MAPT: variants seen among roughly 807,000 people sequenced by gnomAD.
MAPT encodes the protein microtubule-associated protein tau.
A neutral mutation model predicts 67.9 loss-of-function variants in MAPT; 34 were observed. The ratio of observed to expected loss-of-function variants is 0.50; its 90% confidence interval spans 0.38 to 0.67. The LOEUF is 0.67. Among genes scored for constraint, MAPT ranks in the 30% least tolerant of loss-of-function variants. The probability of loss-of-function intolerance (pLI) is 0.00; values close to 1 mark genes in which losing one functional copy is unlikely to be tolerated. For synonymous variants in MAPT, 456 were observed against 464.5 expected (o/e 0.98, Z 0.23); for missense variants, 881 against 1,115.2 (o/e 0.79, Z 2.99).
intron 9 of MAPT, among the ~76,000 whole-genome samples, chr17:46,002,332 G>A (rs1334777480): frequency 6.6e-6 from 1 of 152,190 alleles, no homozygotes; most frequent in African/African-American, 2.4e-5. Flanking sequence ...TTCTTGGGGG[G>A]TCGCTGGGAA....
chr17:45,998,712 T>C (rs998663435), intron 9 of MAPT, among the ~76,000 whole-genome samples: 5 of 152,186 alleles, frequency 3.3e-5, no homozygotes, highest in African/African-American at 1.2e-4. Flanking sequence ...GCCTCTGTCC[T>C]GTACCGCAGC....
At chr17:45,922,486 AACACACACACACAC>A (rs59017604) in intron 1 of MAPT, among the ~76,000 whole-genome samples, 21,662 of 146,658 alleles carry the variant, frequency 0.15, 2,102 homozygotes, top group Middle Eastern at 0.22. Flanking sequence ...CTAGCTAGAG[AACACACACACACAC>A]ACACACACAC....
chr17:45,950,657 T>G lies in MAPT; in HGVS notation c.-17-11664T>G, dbSNP rs1445736687. Among the ~76,000 whole-genome samples the G allele has an allele frequency of 2.6e-5, 4 of 152,038 alleles. No homozygotes were observed. The East Asian group carries it at 7.7e-4, about 29-fold the overall frequency. On this transcript the variant is annotated intron_variant, in intron 1 of 12. Coordinates refer to ENST00000262410, the MANE Select transcript of MAPT (RefSeq NM_001377265.1). ...GTTCCCATACTTTTAATTTTTAAAA[T>G]TTTATTTATTTATTTATTTATGTAT...
At chr17:45,944,429 T>C (rs2068274272) in intron 1 of MAPT, among the ~76,000 whole-genome samples, 1 of 152,104 alleles carries the variant, frequency 6.6e-6, no homozygotes, top group Non-Finnish European at 1.5e-5. Context: ...CTGGATATGG[T>C]GCATTCCAGG....
chr17:46,007,549 GA>G (rs1568322960), intron 9 of MAPT, among the ~76,000 whole-genome samples: 1 of 151,964 alleles, frequency 6.6e-6, no homozygotes, highest in African/African-American at 2.4e-5. Flanking sequence ...GTGCATGTTA[GA>G]AAAAATACAC....
chr17:45,956,479 C>T (rs1292700972), intron 1 of MAPT, among the ~76,000 whole-genome samples: 1 of 151,122 alleles, frequency 6.6e-6, no homozygotes, highest in Non-Finnish European at 1.5e-5. Flanking sequence ...GACCACTGAC[C>T]TCAAACATAG....
chr17:45,931,606 G>A (rs1039825185), intron 1 of MAPT, among the ~76,000 whole-genome samples: 3 of 151,908 alleles, frequency 2.0e-5, no homozygotes, highest in South Asian at 2.1e-4. Flanking sequence ...ATTGATGTAC[G>A]GCTTTATTTT....
intron 1 of MAPT, among the ~76,000 whole-genome samples, chr17:45,901,390 C>T (rs1322172422): frequency 1.3e-5 from 2 of 152,016 alleles, no homozygotes; most frequent in South Asian, 2.1e-4. Context: ...TCAGGGAAGG[C>T]GAAGGAGGTA....
At chr17:45,985,859 A>G (rs1039765582) in intron 5 of MAPT, 7 of 265,808 alleles carry the variant, frequency 2.6e-5, no homozygotes, top group African/African-American at 1.6e-4. Flanking sequence ...TGATTCTGCC[A>G]CATAGTATAG....
chr17:45,993,101 G>A (rs1435152648), intron 8 of MAPT, among the ~76,000 whole-genome samples: 2 of 152,158 alleles, frequency 1.3e-5, no homozygotes, highest in East Asian at 3.8e-4. Context: ...CCAAAGCCTG[G>A]CCTGGATCTT....
rs747136830 is a variant in MAPT at position 45,999,342 on chromosome 17, G to T, written c.1998+2678G>T. 1.2e-5 allele frequency: 20 copies of T among 1,614,004 alleles called. No homozygotes were observed. The highest frequency in any genetic ancestry group is 1.7e-5 in the Admixed American group (1 of 60,026). ...CAGCCCCCACAAGACTGTGCAGGTG[G>T]CCGGCCCTCATTGAATGCGGGGTTA... On this transcript the variant is annotated intron_variant, in intron 9 of 12. Coordinates refer to ENST00000262410, the MANE Select transcript of MAPT (RefSeq NM_001377265.1).
chr17:46,024,302 C>A lies in MAPT; in HGVS notation c.*131C>A. On this transcript the variant is annotated 3_prime_UTR_variant, in exon 13 of 13. Coordinates refer to ENST00000262410, the MANE Select transcript of MAPT (RefSeq NM_001377265.1). ...CGCAGTTCGGTTAATTGGTTAATCA[C>A]TTAACCTGCTTTTGTCACTCGGCTT... 1.2e-6 allele frequency: 1 copy of A among 818,876 alleles called. No homozygotes were observed. The highest frequency in any genetic ancestry group is 2.0e-6 in the Non-Finnish European group (1 of 494,960). 50.7% of individuals were successfully genotyped at this position (818,876 alleles called of 1,614,324 possible).
intron 1 of MAPT, among the ~76,000 whole-genome samples, chr17:45,908,581 A>C (rs1000429462): frequency 2.0e-5 from 3 of 152,124 alleles, no homozygotes; most frequent in African/African-American, 7.2e-5. Flanking sequence ...GTCTACACCA[A>C]TGTGGTTCAC....
rs11656151 is a variant in MAPT, at chr17:45,991,126, A to G, written c.1606-334A>G. ...ATGTCTGCATATGTGTAGTGCACTA[A>G]TGTCCTGCCGATGATTGACATGGAG... On this transcript the variant is annotated intron_variant, in intron 7 of 12. Coordinates refer to ENST00000262410, the MANE Select transcript of MAPT (RefSeq NM_001377265.1). Among the ~76,000 whole-genome samples, 25,223 of 152,224 alleles carry G rather than the reference A, an allele frequency of 0.17. 2,889 individuals carry two copies. The highest frequency in any genetic ancestry group is 0.37 in the South Asian group (1,782 of 4,818).
intron 5 of MAPT, among the ~76,000 whole-genome samples, chr17:45,986,477 C>A (rs913905046): frequency 6.6e-6 from 1 of 152,206 alleles, no homozygotes; most frequent in Non-Finnish European, 1.5e-5. Context: ...TGGTTCCAGG[C>A]AGTTTCCAAG....
chr17:45,927,654 C>T (rs1568182218), intron 1 of MAPT, among the ~76,000 whole-genome samples: 1 of 152,116 alleles, frequency 6.6e-6, no homozygotes, highest in Non-Finnish European at 1.5e-5. Flanking sequence ...AAAACATACC[C>T]CCTTCAGTCA....
intron 12 of MAPT, among the ~76,000 whole-genome samples, chr17:46,019,331 TG>T (rs928522048): frequency 6.6e-6 from 1 of 152,102 alleles, no homozygotes; most frequent in African/African-American, 2.4e-5. Context: ...CCATGACACA[TG>T]GAATTATGGG....
At position 46,010,462 on chromosome 17, in the gene MAPT, T is replaced by G; in HGVS notation, c.2091+60T>G. 7 of 1,180,818 alleles carry G rather than the reference T, an allele frequency of 5.9e-6. No homozygotes were observed. The highest frequency in any genetic ancestry group is 8.7e-6 in the Non-Finnish European group (7 of 808,468). The allele number at this position is 1,180,818 out of a possible 1,614,324, so 73.1% of individuals were successfully genotyped here. A position where few individuals can be genotyped will look rare whatever the true frequency, so the allele number is the denominator to read the frequency against. On this transcript the variant is annotated intron_variant, in intron 10 of 12. Coordinates refer to ENST00000262410, the MANE Select transcript of MAPT (RefSeq NM_001377265.1). This position sits in a 1 kb window ranked among gnomAD's most constrained non-coding sequence, Gnocchi z 4.7. ...TGGCTTGAATTATTAGGAAGTGGTGTGAGTGCGTACACTTGCGAGACACTG... is the reference window on the plus strand; with the variant it reads ...TGGCTTGAATTATTAGGAAGTGGTGGGAGTGCGTACACTTGCGAGACACTG...
chr17:46,000,706 A>C (rs1349354188), intron 9 of MAPT, among the ~76,000 whole-genome samples: 1 of 151,944 alleles, frequency 6.6e-6, no homozygotes, highest in African/African-American at 2.4e-5. Context: ...CCTACCCTCA[A>C]CCTCAACCAC....
Sources: gnomAD v4.1 joint callset for allele counts (sites outside exome capture counted in the v4.1 genomes callset) on GRCh38, gnomAD v4.1.1 for gene constraint, Gnocchi (gnomAD v3.1) non-coding constraint, MANE v1.5 for transcripts, NCBI Gene and HGNC (gene_info 2026-07-23, HGNC 2026-07-21) for gene names.